The following ADGRG4 variants were observed in gnomAD, a reference collection of about 807,000 sequenced individuals.
The protein encoded by ADGRG4 is G protein-coupled receptor 112.
Under a neutral mutation model 126.2 loss-of-function variants are expected in ADGRG4, and 122 were observed. The observed-to-expected ratio is 0.97, with a 90% CI of 0.83 to 1.12. The LOEUF (loss-of-function observed/expected upper bound fraction) is 1.12, where lower values mean the gene tolerates loss of function less well. Ranked by LOEUF, ADGRG4 falls within the 50% of genes most tolerant of loss-of-function variation. The pLI is 0.00. For synonymous variants in ADGRG4, 943 were observed against 838.7 expected, an observed-to-expected ratio of 1.12 and a Z score of -2.15; for missense variants, 2,481 against 2,251.8, an observed-to-expected ratio of 1.10 and a Z score of -2.06.
intron 4 of ADGRG4, among the ~76,000 whole-genome samples, chrX:136,314,773 T>C (rs1338368378): frequency 2.7e-5 from 3 of 112,273 alleles, no homozygotes; most frequent in Non-Finnish European, 5.6e-5. Flanking sequence ...CTCAGGGACC[T>C]TGTGTGTTAT....
rs144593814 is a variant in ADGRG4, at chrX:136,349,765, C to T, written c.6059C>T (p.Pro2020Leu). ...TCTAGTCTCCCTTCTGGCTCCCCTC[C>T]GGCAACTGTATCTAATGCCCCTCAT... The part of the protein sequence containing the change: ...LLSSLPSGSP[P>L]ATVSNAPHVM... Residue 2020 changes from proline (P) to leucine (L), a missense_variant, in exon 6 of 26, where the codon CCG becomes CTG. By Grantham distance (98) the Pro-to-Leu change is moderately conservative. Coordinates refer to ENST00000394143, the MANE Select transcript of ADGRG4 (RefSeq NM_153834.4). The T allele has an allele frequency of 1.2e-4, 143 of 1,207,558 alleles. No homozygotes were observed. Among genetic ancestry groups the T allele is most frequent in the Middle Eastern group, 4.6e-4 (2 of 4,344 alleles).
chrX:136,379,339 G>A (rs953380648), intron 15 of ADGRG4, among the ~76,000 whole-genome samples: 1 of 110,834 alleles, frequency 9.0e-6, no homozygotes, highest in African/African-American at 3.3e-5. Flanking sequence ...TCTGTAAAGG[G>A]CAGATAATAA....
Position 136,346,488 on chromosome X carries a change from A to C in ADGRG4, c.2782A>C (p.Thr928Pro), listed in dbSNP as rs1366622670. ...TTPRSSYNEM[T>P]EMFNFNHTYV... is the part of the protein sequence containing the mutation. Reference sequence around the variant, plus strand: ...ACCTAGGAGTTCATACAATGAAATGACAGAAATGTTTAATTTTAACCACAC... The same window carrying C: ...ACCTAGGAGTTCATACAATGAAATGCCAGAAATGTTTAATTTTAACCACAC... The change falls in exon 6 of 26, where the codon ACA becomes CCA. Residue 928 changes from threonine to proline, a missense_variant. Transcript: ENST00000394143. 2 of 1,209,497 alleles carry C rather than the reference A, an allele frequency of 1.7e-6. No homozygotes were observed. Among genetic ancestry groups the C allele is most frequent in the Non-Finnish European group, 2.2e-6 (2 of 894,436 alleles).
chrX:136,369,966 A>T (rs1160906477), intron 13 of ADGRG4, among the ~76,000 whole-genome samples: 1 of 111,608 alleles, frequency 9.0e-6, no homozygotes, highest in African/African-American at 3.3e-5. Flanking sequence ...GCAGGAAAAA[A>T]AAAGAGAATA....
chrX:136,406,636 G>A (rs992952467), intron 23 of ADGRG4, among the ~76,000 whole-genome samples: 3 of 112,241 alleles, frequency 2.7e-5, no homozygotes, highest in Non-Finnish European at 3.8e-5. Context: ...GCTAGGGGCC[G>A]GGTGTGATGG....
Position 136,412,272 on chromosome X carries a change from C to A in ADGRG4, c.8943C>A (p.Phe2981Leu), listed in dbSNP as rs779352446. 8.4e-7 allele frequency: 1 copy of A among 1,194,192 alleles called. No homozygotes were observed. Among genetic ancestry groups the A allele is most frequent in the Non-Finnish European group, 1.1e-6 (1 of 879,482 alleles). The change falls in exon 24 of 26, where the codon TTC (phenylalanine) becomes TTA (leucine). Residue 2981 changes from phenylalanine to leucine, a missense_variant. By Grantham distance (22) the Phe-to-Leu change is conservative. Coordinates refer to ENST00000394143, the MANE Select transcript of ADGRG4 (RefSeq NM_153834.4). ...FAIFNTLQGF[F>L]IFVFHCVMKE... Reference sequence around the variant, plus strand: ...CTTCTTCTTCTGGCTTAGGATTCTTCATTTTTGTGTTTCACTGTGTGATGA... The same window carrying A: ...CTTCTTCTTCTGGCTTAGGATTCTTAATTTTTGTGTTTCACTGTGTGATGA...
At chrX:136,318,391 AGAGT>A (rs2074818550) in intron 4 of ADGRG4, among the ~76,000 whole-genome samples, 1 of 112,141 alleles carries the variant, frequency 8.9e-6, no homozygotes, top group Non-Finnish European at 1.9e-5. Context: ...GGGCAAACTG[AGAGT>A]GAGTGCTTAA....
At position 136,416,684 on chromosome X, in the gene ADGRG4, A is replaced by G. The variant is rs2075477483; in HGVS notation, c.*193A>G. 1 of 311,020 alleles carries G rather than the reference A, an allele frequency of 3.2e-6. No individual in the cohort carries two copies. The highest frequency in any genetic ancestry group is 2.7e-5 in the African/African-American group (1 of 36,956). 25.6% of individuals were successfully genotyped at this position (311,020 alleles called of 1,213,427 possible). A position where few individuals can be genotyped will look rare whatever the true frequency, so the allele number is the denominator to read the frequency against. ...GAAATTTAAAAAAAACAAAAATAAA[A>G]AGCAAAACAAAAATCCCAAAATGAA... On this transcript the variant is annotated 3_prime_UTR_variant, in exon 26 of 26. Coordinates refer to ENST00000394143, the MANE Select transcript of ADGRG4 (RefSeq NM_153834.4).
chrX:136,321,699 G>A (rs768488684), intron 4 of ADGRG4, among the ~76,000 whole-genome samples: 3 of 111,764 alleles, frequency 2.7e-5, no homozygotes, highest in Non-Finnish European at 5.6e-5. Flanking sequence ...AGTGGTGATA[G>A]TATCATCACT....
At chrX:136,306,246 T>G (rs2074732798) in intron 3 of ADGRG4, 1 of 110,580 alleles carries the variant, frequency 9.0e-6, no homozygotes, top group African/African-American at 3.3e-5. Flanking sequence ...TCTCCTTCTT[T>G]CCCTTAAATT....
chrX:136,400,181 GT>G, intron 21 of ADGRG4, 65 bp downstream of exon 21: 1 of 876,451 alleles, frequency 1.1e-6, no homozygotes, highest in Non-Finnish European at 1.6e-6. Context: ...TTCTAGCTCT[GT>G]TAGATTCTGT....
intron 15 of ADGRG4, among the ~76,000 whole-genome samples, chrX:136,384,065 TTTTA>T (rs1426718681): frequency 4.6e-5 from 5 of 108,955 alleles, no homozygotes; most frequent in Non-Finnish European, 9.5e-5. Flanking sequence ...GCTGTTGTTT[TTTTA>T]TTTATTTATT....
At position 136,348,557 on chromosome X, in the gene ADGRG4, G is replaced by A. The variant is rs867374209; in HGVS notation, c.4851G>A (p.Gly1617=). 6.6e-6 allele frequency: 8 copies of A among 1,206,914 alleles called. No homozygotes were observed. The highest frequency in any genetic ancestry group is 7.8e-6 in the Non-Finnish European group (7 of 893,480). Residue 1617 remains glycine (G), a synonymous_variant, in exon 6 of 26, where the codon GGG becomes GGA. Coordinates refer to ENST00000394143, the MANE Select transcript of ADGRG4 (RefSeq NM_153834.4). Reference sequence around the variant, plus strand: ...ATGTCACACCTGTGATATATGCTGGGGCTACTTCAAAAAACAAAATGGTTT... The same window carrying A: ...ATGTCACACCTGTGATATATGCTGGAGCTACTTCAAAAAACAAAATGGTTT... ...TLDVTPVIYA[G]ATSKNKMVSS...
chrX:136,410,825 A>G (rs965461419), intron 23 of ADGRG4, among the ~76,000 whole-genome samples: 1 of 112,146 alleles, frequency 8.9e-6, no homozygotes, highest in Non-Finnish European at 1.9e-5. Context: ...GAAATGGGAA[A>G]TAGACGAATA....
Position 136,376,627 on chromosome X carries a change from G to GGTATTGTATTGTATT in ADGRG4, c.7776+3624_7776+3638dup, listed in dbSNP as rs138629547. On this transcript the variant is annotated intron_variant, in intron 15 of 25. Transcript: ENST00000394143. Reference sequence around the variant, plus strand: ...ACCTCCTTGATTAAGTATATTCCTGGGTATTGTATTGTATTGTATTGTATT... The same window carrying GGTATTGTATTGTATT: ...ACCTCCTTGATTAAGTATATTCCTGGGTATTGTATTGTATTGTATTGTATTGTATTGTATTGTATT... 2.2e-4 allele frequency among the ~76,000 whole-genome samples: 19 copies of GGTATTGTATTGTATT among 86,185 alleles called. No homozygotes were observed. In the East Asian group the frequency reaches 2.8e-3, roughly 13 times the overall value. 74.8% of individuals were successfully genotyped at this position (86,185 alleles called of 115,157 possible).
At chrX:136,323,609 C>CACACACAA (rs2074854772) in intron 5 of ADGRG4, among the ~76,000 whole-genome samples, 1 of 109,930 alleles carries the variant, frequency 9.1e-6, no homozygotes, top group Non-Finnish European at 1.9e-5. Context: ...CACACACACA[C>CACACACAA]ACACACCACT....
intron 4 of ADGRG4, among the ~76,000 whole-genome samples, chrX:136,317,067 C>T (rs2074809356): frequency 9.0e-6 from 1 of 111,615 alleles, no homozygotes; most frequent in Admixed American, 9.6e-5. Context: ...ACTTGGACTT[C>T]CCCATCTCAA....
intron 15 of ADGRG4, among the ~76,000 whole-genome samples, chrX:136,384,518 C>T (rs1255433882): frequency 2.7e-5 from 3 of 111,849 alleles, no homozygotes; most frequent in Non-Finnish European, 5.6e-5. Flanking sequence ...GTGCTCTTCA[C>T]TCCTTCCTGA....
At position 136,348,121 on chromosome X, in the gene ADGRG4, G is replaced by A. The variant is rs1410815382; in HGVS notation, c.4415G>A (p.Gly1472Glu). Reference sequence around the variant, plus strand: ...GAGTCCTTGTCTCTTTCCACAGCTGGACTATATAATGACGGTTTTACAGTT... The same window carrying A: ...GAGTCCTTGTCTCTTTCCACAGCTGAACTATATAATGACGGTTTTACAGTT... The part of the protein sequence containing the change: ...FPESLSLSTA[G>E]LYNDGFTVLS... The change falls in exon 6 of 26, where the codon GGA becomes GAA. Residue 1472 changes from glycine to glutamate, a missense_variant. By Grantham distance (98) the Gly-to-Glu change is moderately conservative. Transcript: ENST00000394143. 1 of 1,208,797 alleles carries A rather than the reference G, an allele frequency of 8.3e-7. No homozygotes were observed. The highest frequency in any genetic ancestry group is 3.0e-5 in the East Asian group (1 of 33,722).
Sources: gnomAD v4.1 joint callset for allele counts (sites outside exome capture counted in the v4.1 genomes callset) on GRCh38, gnomAD v4.1.1 for gene constraint, MANE v1.5 for transcripts, NCBI Gene and HGNC (gene_info 2026-07-23, HGNC 2026-07-21) for gene names.